TSPAN9: variants seen among roughly 807,000 people sequenced by gnomAD.
TSPAN9 encodes tetraspanin-9.
Under a neutral mutation model 31.0 loss-of-function variants are expected in TSPAN9, and 16 were observed. That is an observed-to-expected ratio of 0.52 (90% CI 0.35 to 0.78). The LOEUF (loss-of-function observed/expected upper bound fraction) is 0.78, where lower values mean the gene tolerates loss of function less well. Among genes scored for constraint, TSPAN9 ranks in the 30% least tolerant of loss-of-function variants. The pLI, the probability that TSPAN9 is intolerant of heterozygous loss-of-function variation, is 0.01. For missense variants in TSPAN9, 272 were observed against 312.5 expected (o/e 0.87, Z 0.98); for synonymous variants, 145 against 121.6 (o/e 1.19, Z -1.27).
At chr12:3,235,083 C>T (rs1329923391) in intron 3 of TSPAN9, among the ~76,000 whole-genome samples, 6 of 139,832 alleles carry the variant, frequency 4.3e-5, no homozygotes, top group African/African-American at 1.3e-4. Context: ...GGGAGAATGA[C>T]GTGAGCCCCG....
intron 2 of TSPAN9, among the ~76,000 whole-genome samples, chr12:3,130,014 G>C (rs1482433824): frequency 2.0e-5 from 3 of 152,202 alleles, no homozygotes; most frequent in African/African-American, 7.2e-5. Context: ...TCTTTCTTGC[G>C]TGGATCACCG....
chr12:3,107,649 T>A lies in TSPAN9; in HGVS notation c.-18+23930T>A, dbSNP rs2098315351. On this transcript the variant is annotated intron_variant, in intron 2 of 8. Coordinates refer to ENST00000011898, the MANE Select transcript of TSPAN9 (RefSeq NM_006675.5). This position sits in a 1 kb window ranked among gnomAD's most constrained non-coding sequence, Gnocchi z 4.1. ...CCTCTTCCCTGTGGGACTGCCAAGCTGCTGCAAGGACCTTTAGGTCACGCC... is the reference window on the plus strand; with the variant it reads ...CCTCTTCCCTGTGGGACTGCCAAGCAGCTGCAAGGACCTTTAGGTCACGCC... Among the ~76,000 whole-genome samples, 1 of 152,220 alleles carries A rather than the reference T, an allele frequency of 6.6e-6. No individual in the cohort carries two copies. Among genetic ancestry groups the A allele is most frequent in the Non-Finnish European group, 1.5e-5 (1 of 68,042 alleles).
rs143997149 is a variant in TSPAN9 at position 3,257,293 on chromosome 12, C to T, written c.64-21128C>T. Among the ~76,000 whole-genome samples the T allele has an allele frequency of 1.3e-3, 203 of 152,114 alleles. 1 individual carries two copies. The highest frequency in any genetic ancestry group is 4.7e-3 in the African/African-American group (193 of 41,472). ...GGGCAGTTCTCTGCTCTTTTTCCTTCGTGCACCTTGGGGTTTCAACCTGGT... is the reference window on the plus strand; with the variant it reads ...GGGCAGTTCTCTGCTCTTTTTCCTTTGTGCACCTTGGGGTTTCAACCTGGT... On this transcript the variant is annotated intron_variant, in intron 3 of 8. Coordinates refer to ENST00000011898, the MANE Select transcript of TSPAN9 (RefSeq NM_006675.5).
rs1245120255 is a variant in TSPAN9 at position 3,286,506 on chromosome 12, A to G, written c.*3390A>G. ...CTTCATCCTGGTCCTGGCTTTATGGAACACCATGTTTTTAGCATGTTTTTA... is the reference window on the plus strand; with the variant it reads ...CTTCATCCTGGTCCTGGCTTTATGGGACACCATGTTTTTAGCATGTTTTTA... On this transcript the variant is annotated 3_prime_UTR_variant, in exon 9 of 9. Coordinates refer to ENST00000011898, the MANE Select transcript of TSPAN9 (RefSeq NM_006675.5). The surrounding 1 kb of genome is among the most constrained non-coding windows in gnomAD (Gnocchi z 4.1). The G allele has an allele frequency of 6.6e-6, 1 of 152,378 alleles. No individual in the cohort carries two copies. Among genetic ancestry groups the G allele is most frequent in the East Asian group, 1.9e-4 (1 of 5,164 alleles). The allele number at this position is 152,378 out of a possible 1,614,324, so 9.4% of individuals were successfully genotyped here.
intron 2 of TSPAN9, among the ~76,000 whole-genome samples, chr12:3,111,014 T>C (rs1485394977): frequency 1.3e-5 from 2 of 152,200 alleles, no homozygotes; most frequent in East Asian, 1.9e-4. Context: ...TCTGTCGCCG[T>C]AGACCGTAGT....
chr12:3,265,616 C>T (rs927254241), intron 3 of TSPAN9, among the ~76,000 whole-genome samples: 10 of 152,194 alleles, frequency 6.6e-5, no homozygotes, highest in African/African-American at 2.2e-4. Flanking sequence ...AGCGTCTGTC[C>T]GCTGCCCCTG....
chr12:3,236,626 G>A (rs1186895573), intron 3 of TSPAN9, among the ~76,000 whole-genome samples: 2 of 152,176 alleles, frequency 1.3e-5, no homozygotes, highest in East Asian at 3.8e-4. Context: ...GAGAGACTGC[G>A]GCTTTCTGGG....
At position 3,188,306 on chromosome 12, in the gene TSPAN9, C is replaced by T. The variant is rs116644276; in HGVS notation, c.-17-12871C>T. On this transcript the variant is annotated intron_variant, in intron 2 of 8. Coordinates refer to ENST00000011898, the MANE Select transcript of TSPAN9 (RefSeq NM_006675.5). Reference sequence around the variant, plus strand: ...GCTGTCAGTGTCTCCCCGGGTTCCACAGCACTGGGGTGGCCTGCTCTGTGC... The same window carrying T: ...GCTGTCAGTGTCTCCCCGGGTTCCATAGCACTGGGGTGGCCTGCTCTGTGC... 4.7e-3 allele frequency among the ~76,000 whole-genome samples: 720 copies of T among 152,352 alleles called. 7 individuals are homozygous for T. The highest frequency in any genetic ancestry group is 0.017 in the African/African-American group (694 of 41,576).
At chr12:3,141,447 C>T (rs1416468704) in intron 2 of TSPAN9, among the ~76,000 whole-genome samples, 2 of 152,188 alleles carry the variant, frequency 1.3e-5, no homozygotes, top group African/African-American at 2.4e-5. Context: ...TGCCAGCTCA[C>T]CTTCCTCCTG....
At chr12:3,117,780 C>G (rs1333283651) in intron 2 of TSPAN9, among the ~76,000 whole-genome samples, 3 of 152,192 alleles carry the variant, frequency 2.0e-5, no homozygotes, top group Non-Finnish European at 4.4e-5. Flanking sequence ...ACAGCACATC[C>G]CAGGAGAATT....
rs147126982 is a variant in TSPAN9, at chr12:3,256,315, C to T, written c.64-22106C>T. 2.7e-3 allele frequency among the ~76,000 whole-genome samples: 414 copies of T among 152,348 alleles called. 1 individual carries two copies. The highest frequency in any genetic ancestry group is 9.0e-3 in the African/African-American group (375 of 41,590). On this transcript the variant is annotated intron_variant, in intron 3 of 8. Transcript: ENST00000011898. ...AGGCCGGGCCCCGCTGAGCGCAGCA[C>T]TCAACTCATCAGAGATGACAGGACA...
intron 2 of TSPAN9, chr12:3,199,950 GGCGGCCAGCTCGACAGCGGCC>G (rs575344274): frequency 4.6e-5 from 7 of 152,512 alleles, no homozygotes; most frequent in African/African-American, 1.7e-4. Flanking sequence ...CATAGGGGGC[GGCGGCCAGCTCGACAGCGGCC>G]GCGCTTCTGT....
At chr12:3,100,889 A>G (rs1047609870) in intron 2 of TSPAN9, among the ~76,000 whole-genome samples, 6 of 152,356 alleles carry the variant, frequency 3.9e-5, no homozygotes, top group African/African-American at 1.4e-4. Context: ...CTAGGTGGCC[A>G]ATGTTTGTTG....
intron 2 of TSPAN9, among the ~76,000 whole-genome samples, chr12:3,186,027 G>C (rs1372984565): frequency 2.6e-5 from 4 of 152,188 alleles, no homozygotes; most frequent in African/African-American, 9.7e-5. Context: ...CCCATTAGAG[G>C]CTAAATGAAG....
chr12:3,270,263 G>T (rs1379561287), intron 3 of TSPAN9, among the ~76,000 whole-genome samples: 6 of 152,196 alleles, frequency 3.9e-5, no homozygotes, highest in Non-Finnish European at 8.8e-5. Flanking sequence ...TGGGGATGGG[G>T]TATAGATGGA....
intron 2 of TSPAN9, among the ~76,000 whole-genome samples, chr12:3,193,780 C>T (rs34512620): frequency 0.069 from 10,581 of 152,268 alleles, 428 homozygotes; most frequent in African/African-American, 0.11. Flanking sequence ...TTGCTCCTGT[C>T]TCAGTCTTCT....
At chr12:3,090,104 G>A (rs776343943) in intron 2 of TSPAN9, among the ~76,000 whole-genome samples, 21 of 152,146 alleles carry the variant, frequency 1.4e-4, no homozygotes, top group East Asian at 5.8e-4. Flanking sequence ...GCATCCAGCC[G>A]TCCACCTATT....
At chr12:3,153,831 T>G (rs928161098) in intron 2 of TSPAN9, among the ~76,000 whole-genome samples, 1 of 151,180 alleles carries the variant, frequency 6.6e-6, no homozygotes, top group Non-Finnish European at 1.5e-5. Context: ...ATTAATATGT[T>G]AGTATTATAT....
intron 2 of TSPAN9, among the ~76,000 whole-genome samples, chr12:3,131,963 C>A (rs1376618683): frequency 6.6e-6 from 1 of 152,182 alleles, no homozygotes; most frequent in Admixed American, 6.5e-5. Context: ...AACCACTGAT[C>A]TGCTTTCTAT....
Sources: allele counts gnomAD v4.1 joint callset (sites outside exome capture counted in the v4.1 genomes callset), GRCh38; gene constraint gnomAD v4.1.1; non-coding constraint Gnocchi (gnomAD v3.1); transcripts MANE v1.5; gene names NCBI Gene and HGNC (gene_info 2026-07-23, HGNC 2026-07-21).